Variants in SNX8 observed in about 807,000 individuals in gnomAD.
The protein encoded by SNX8 is sorting nexin-8.
In SNX8, 25 loss-of-function variants were observed where a neutral mutation model predicts 51.6. That is an observed-to-expected ratio of 0.48 (90% CI 0.35 to 0.68). The LOEUF is 0.68. Ranked by LOEUF, SNX8 falls within the 30% of genes least tolerant of loss-of-function variation. The pLI is 0.00. For synonymous variants in SNX8, 324 were observed against 277.0 expected (o/e 1.17, Z -1.68); for missense variants, 695 against 624.0 (o/e 1.11, Z -1.21).
intron 1 of SNX8, among the ~76,000 whole-genome samples, chr7:2,303,487 A>G (rs1796462501): frequency 1.3e-5 from 2 of 152,264 alleles, no homozygotes; most frequent in South Asian, 4.1e-4. Context: ...GGCCAGGATG[A>G]CAATGGCGGT....
At chr7:2,291,616 A>G (rs891722176) in intron 1 of SNX8, among the ~76,000 whole-genome samples, 4 of 152,130 alleles carry the variant, frequency 2.6e-5, no homozygotes, top group Non-Finnish European at 5.9e-5. Context: ...AAAAGAAAAA[A>G]AAAAAAAGGA....
chr7:2,320,521 G>A (rs1001570367), intron 1 of SNX8, among the ~76,000 whole-genome samples: 2 of 152,130 alleles, frequency 1.3e-5, no homozygotes, highest in African/African-American at 2.4e-5. Context: ...AGGAGTTCAA[G>A]ACCAGCCTGG....
At chr7:2,303,758 T>A (rs948624996) in intron 1 of SNX8, among the ~76,000 whole-genome samples, 2 of 151,994 alleles carry the variant, frequency 1.3e-5, no homozygotes, top group African/African-American at 4.8e-5. Context: ...GAAGGCAGCA[T>A]GCTCGTTAAG....
At chr7:2,268,181 C>T (rs1362445730) in intron 5 of SNX8, among the ~76,000 whole-genome samples, 2 of 139,476 alleles carry the variant, frequency 1.4e-5, no homozygotes, top group African/African-American at 2.7e-5. Context: ...GTCAGCCCTC[C>T]GCCCGGCCAG....
At chr7:2,314,134 G>C (rs948553995) in intron 1 of SNX8, among the ~76,000 whole-genome samples, 194 bp downstream of exon 1, 8 of 151,804 alleles carry the variant, frequency 5.3e-5, no homozygotes, top group African/African-American at 1.9e-4. Flanking sequence ...GCGCGAGAGA[G>C]CACGGGGACC....
intron 5 of SNX8, 114 bp downstream of exon 5, chr7:2,269,445 C>T: frequency 4.0e-6 from 2 of 502,466 alleles, no homozygotes. Context: ...TGCTGACCTT[C>T]CCTCCACTAT....
chr7:2,257,915 G>A lies in SNX8; in HGVS notation c.916-112C>T, dbSNP rs1032978762. The A allele has an allele frequency of 2.2e-5, 22 of 996,406 alleles. No individual in the cohort carries two copies. The African/African-American group carries it at 2.4e-4, about 11-fold the overall frequency. The allele number at this position is 996,406 out of a possible 1,614,324, so 61.7% of individuals were successfully genotyped here. ...CGGTTCCTTCCTCCCAGAGTCAGACGGGCTCCCCAGGACCACCAGCCAGGT... is the reference window on the plus strand; with the variant it reads ...CGGTTCCTTCCTCCCAGAGTCAGACAGGCTCCCCAGGACCACCAGCCAGGT... On this transcript the variant is annotated intron_variant, in intron 7 of 10. Transcript: ENST00000222990.
At chr7:2,297,348 C>A (rs971783924) in intron 1 of SNX8, among the ~76,000 whole-genome samples, 7 of 151,438 alleles carry the variant, frequency 4.6e-5, no homozygotes, top group African/African-American at 1.7e-4. Flanking sequence ...GTCAGGAGTT[C>A]GAGACCAGCC....
intron 1 of SNX8, among the ~76,000 whole-genome samples, chr7:2,305,010 G>A (rs760507109): frequency 2.0e-5 from 3 of 152,210 alleles, no homozygotes; most frequent in East Asian, 1.9e-4. Context: ...GGCTGAGAGT[G>A]AGGTTCCCAG....
intron 1 of SNX8, among the ~76,000 whole-genome samples, chr7:2,350,992 G>A (rs778355203): frequency 6.6e-6 from 1 of 152,102 alleles, no homozygotes; most frequent in Non-Finnish European, 1.5e-5. Context: ...AGTGGTGCAC[G>A]CCTATAGTCT....
chr7:2,260,893 C>A (rs925380873), intron 7 of SNX8, among the ~76,000 whole-genome samples: 3 of 152,192 alleles, frequency 2.0e-5, no homozygotes, highest in Admixed American at 6.5e-5. Flanking sequence ...CCAGAAGCCT[C>A]AACCTTCTCT....
chr7:2,271,703 GGAAA>G (rs1795647381), intron 4 of SNX8, 143 bp downstream of exon 4: 1 of 889,352 alleles, frequency 1.1e-6, no homozygotes, highest in Admixed American at 2.9e-5. Context: ...TATCTGGAAA[GGAAA>G]GAAGTCTTGT....
chr7:2,321,941 C>G (rs1778527324), intron 1 of SNX8, among the ~76,000 whole-genome samples: 2 of 150,212 alleles, frequency 1.3e-5, no homozygotes, highest in African/African-American at 4.9e-5. Context: ...CCAAACTGGT[C>G]TCGAACTCCT....
chr7:2,278,277 G>C lies in SNX8; in HGVS notation c.123C>G (p.Pro41=), dbSNP rs150324664. The C allele has an allele frequency of 1.3e-6, 2 of 1,589,114 alleles. No homozygotes were observed. ...CTGGGACCTGCTGCACGATGGCCTG[G>C]GGCTCGATGGCCTGGGGTGTCGGCA... ...SDLPTPQAIE[P]QAIVQQVPAP... The change falls in exon 2 of 11, where the codon CCC becomes CCG. Residue 41 remains proline (P), a synonymous_variant. Coordinates refer to ENST00000222990, the MANE Select transcript of SNX8 (RefSeq NM_013321.4).
chr7:2,347,490 A>G (rs1253165493), intron 1 of SNX8, among the ~76,000 whole-genome samples: 1 of 104,012 alleles, frequency 9.6e-6, no homozygotes. Flanking sequence ...CAAAAAAAAA[A>G]AAAAAAAAAG....
Position 2,261,290 on chromosome 7 carries a change from G to A in SNX8, c.915+1940C>T, listed in dbSNP as rs537426531. 4.0e-3 allele frequency among the ~76,000 whole-genome samples: 608 copies of A among 152,200 alleles called. 2 individuals carry two copies. Among genetic ancestry groups the A allele is most frequent in the African/African-American group, 0.014 (570 of 41,524 alleles). ...TCTACTAAAAATACAAAAATTAGCC[G>A]GGTGTGGTGGTGCACACCTGTAATC... On this transcript the variant is annotated intron_variant, in intron 7 of 10. Transcript: ENST00000222990.
At chr7:2,278,646 G>A (rs62442527) in intron 1 of SNX8, among the ~76,000 whole-genome samples, 20,134 of 137,902 alleles carry the variant, frequency 0.15, 1,608 homozygotes, top group Middle Eastern at 0.28. Flanking sequence ...AGTCGAAGCC[G>A]GACTCACACT....
At chr7:2,310,420 T>A (rs1796637202) in intron 1 of SNX8, among the ~76,000 whole-genome samples, 1 of 152,106 alleles carries the variant, frequency 6.6e-6, no homozygotes. Flanking sequence ...GGCCAGGAGT[T>A]CCACACCAGC....
chr7:2,332,823 A>G (rs1290477356), intron 1 of SNX8, among the ~76,000 whole-genome samples: 1 of 150,602 alleles, frequency 6.6e-6, no homozygotes, highest in Non-Finnish European at 1.5e-5. Context: ...AAAGAGAAAG[A>G]AAGGAAGGAA....
Sources: allele counts gnomAD v4.1 joint callset (sites outside exome capture counted in the v4.1 genomes callset), GRCh38; gene constraint gnomAD v4.1.1; transcripts MANE v1.5; gene names NCBI Gene and HGNC (gene_info 2026-07-23, HGNC 2026-07-21).